Variants in THADA observed in about 807,000 individuals in gnomAD.
THADA encodes the protein THADA armadillo repeat containing, also known as tRNA (32-2'-O)-methyltransferase regulator THADA.
In THADA, 213 loss-of-function variants were observed where a neutral mutation model predicts 219.8. That is an observed-to-expected ratio of 0.97 (90% CI 0.87 to 1.09). The LOEUF (loss-of-function observed/expected upper bound fraction) is 1.09, where lower values mean the gene tolerates loss of function less well. Ranked by LOEUF, THADA falls within the 50% of genes least tolerant of loss-of-function variation. THADA has a pLI of 0.00. For missense variants in THADA, 2,956 were observed against 2,311.3 expected (o/e 1.28, Z -5.72); for synonymous variants, 1,018 against 828.9 (o/e 1.23, Z -3.92).
chr2:43,495,710 T>C (rs959400396), intron 25 of THADA, among the ~76,000 whole-genome samples: 4 of 152,202 alleles, frequency 2.6e-5, no homozygotes, highest in Non-Finnish European at 5.9e-5. Flanking sequence ...CAGAAAGTCC[T>C]TTCACGGAAA....
intron 30 of THADA, among the ~76,000 whole-genome samples, chr2:43,335,458 A>G (rs1295430363): frequency 6.6e-6 from 1 of 152,174 alleles, no homozygotes; most frequent in Non-Finnish European, 1.5e-5. Context: ...CTCTTAATAC[A>G]ATAAACTTCA....
At chr2:43,523,130 C>T (rs779578266) in intron 22 of THADA, among the ~76,000 whole-genome samples, 26 of 152,076 alleles carry the variant, frequency 1.7e-4, no homozygotes, top group Non-Finnish European at 2.9e-4. Flanking sequence ...CTTTGGAAGG[C>T]TGAGGTGGGA....
In THADA at chr2:43,577,293, G is replaced by T. The variant is rs1699961620; in HGVS notation, c.817-51C>A. 2.8e-6 allele frequency: 4 copies of T among 1,416,546 alleles called. No homozygotes were observed. The East Asian group carries it at 1.0e-4, about 36-fold the overall frequency. 87.7% of individuals were successfully genotyped at this position (1,416,546 alleles called of 1,614,324 possible). On this transcript the variant is annotated intron_variant, in intron 9 of 37. Coordinates refer to ENST00000405975, the MANE Select transcript of THADA (RefSeq NM_022065.5). ...CACATAAAGCTTTTAAAACTTTTCAGAGATATTTCAAAATACAAACCCAAA... is the reference window on the plus strand; with the variant it reads ...CACATAAAGCTTTTAAAACTTTTCATAGATATTTCAAAATACAAACCCAAA...
intron 29 of THADA, among the ~76,000 whole-genome samples, chr2:43,348,272 G>C (rs1283153938): frequency 6.6e-6 from 1 of 152,176 alleles, no homozygotes; most frequent in Non-Finnish European, 1.5e-5. Context: ...GCTGGCCCCG[G>C]AGATGAGAAC....
At chr2:43,287,575 AC>A (rs2104347580) in intron 34 of THADA, among the ~76,000 whole-genome samples, 1 of 152,310 alleles carries the variant, frequency 6.6e-6, no homozygotes, top group Admixed American at 6.5e-5. Flanking sequence ...GGCATTACAG[AC>A]ATGAGCCACT....
intron 25 of THADA, among the ~76,000 whole-genome samples, chr2:43,487,238 G>A (rs6544663): frequency 0.026 from 3,905 of 152,108 alleles, 180 homozygotes; most frequent in African/African-American, 0.089. Context: ...AGATGACTTG[G>A]TAAAGATATC....
At chr2:43,542,626 A>C (rs1301273425) in intron 20 of THADA, among the ~76,000 whole-genome samples, 1 of 152,344 alleles carries the variant, frequency 6.6e-6, no homozygotes, top group South Asian at 2.1e-4. Flanking sequence ...CTCCCATTTT[A>C]CTAATAAGGT....
chr2:43,314,778 G>A (rs1462333899), intron 31 of THADA, among the ~76,000 whole-genome samples: 6 of 152,150 alleles, frequency 3.9e-5, no homozygotes, highest in South Asian at 2.1e-4. Flanking sequence ...ATATACTAAC[G>A]ATGACAGCTG....
At chr2:43,541,094 T>C (rs1558937280) in intron 21 of THADA, 65 bp downstream of exon 21, 3 of 1,193,116 alleles carry the variant, frequency 2.5e-6, no homozygotes, top group Admixed American at 6.6e-5. Context: ...AGTTGGGTTA[T>C]AAAAAAAAAA....
chr2:43,318,772 G>T (rs1032271600), intron 31 of THADA, among the ~76,000 whole-genome samples: 1 of 152,176 alleles, frequency 6.6e-6, no homozygotes, highest in Non-Finnish European at 1.5e-5. Flanking sequence ...TTTAATTAGG[G>T]TATAAACTCT....
At chr2:43,337,694 TACACACAC>T (rs139544201) in intron 30 of THADA, among the ~76,000 whole-genome samples, 27 of 146,302 alleles carry the variant, frequency 1.8e-4, no homozygotes, top group Non-Finnish European at 2.4e-4. Flanking sequence ...CACACACTCA[TACACACAC>T]ACACACACAC....
In THADA at chr2:43,566,768, A is replaced by T. The variant is rs763144356; in HGVS notation, c.2241T>A (p.Ser747=). 10 of 1,563,764 alleles carry T rather than the reference A, an allele frequency of 6.4e-6. No individual in the cohort carries two copies. The highest frequency in any genetic ancestry group is 8.6e-6 in the Non-Finnish European group (10 of 1,162,896). The stretch of plus-strand genomic sequence containing the variant: ...AAGCTGAAAATCTAGTCGAGTAGGA[A>T]GATCCAGGAAACAATGCTTCAAAAA... ...NSLFEALFPG[S]SYSTRFSALT... Residue 747 remains serine (S), a synonymous_variant, in exon 15 of 38, where the codon TCT becomes TCA. Coordinates refer to ENST00000405975, the MANE Select transcript of THADA (RefSeq NM_022065.5).
chr2:43,408,195 A>T (rs1257591017), intron 28 of THADA: 6 of 152,266 alleles, frequency 3.9e-5, no homozygotes, highest in Admixed American at 3.3e-4. Context: ...ACCCCACAGC[A>T]GACTGCGACA....
intron 35 of THADA, among the ~76,000 whole-genome samples, chr2:43,281,921 C>T (rs777996032): frequency 2.6e-5 from 4 of 152,112 alleles, no homozygotes; most frequent in Non-Finnish European, 5.9e-5. Context: ...AGGTGTACAC[C>T]ACCACATCTG....
chr2:43,388,991 T>C (rs976669839), intron 29 of THADA, among the ~76,000 whole-genome samples: 3 of 152,220 alleles, frequency 2.0e-5, no homozygotes, highest in East Asian at 3.8e-4. Context: ...GTATTAATAA[T>C]AGCAACTAAC....
rs1669467075 is a variant in THADA at position 43,361,077 on chromosome 2, A to G, written c.4228-16840T>C. 2.0e-5 allele frequency among the ~76,000 whole-genome samples: 3 copies of G among 152,024 alleles called. No homozygotes were observed. The South Asian group carries it at 6.2e-4, about 31-fold the overall frequency. On this transcript the variant is annotated intron_variant, in intron 29 of 37. Coordinates refer to ENST00000405975, the MANE Select transcript of THADA (RefSeq NM_022065.5). ...ACCACAACTGAAAGGGGGTGCTACC[A>G]GTAGACAGAGGCCAGGGACGCTGCT...
chr2:43,408,834 T>C (rs566174648), intron 28 of THADA, among the ~76,000 whole-genome samples: 17 of 152,238 alleles, frequency 1.1e-4, no homozygotes, highest in Non-Finnish European at 2.2e-4. Context: ...AATCTCATAA[T>C]ATTGATGCTA....
intron 20 of THADA, among the ~76,000 whole-genome samples, chr2:43,544,496 C>T (rs907450318): frequency 1.3e-5 from 2 of 152,160 alleles, no homozygotes; most frequent in African/African-American, 4.8e-5. Context: ...ATTGATTCTT[C>T]CTACCCATGA....
At chr2:43,568,769 G>A (rs1698961899) in intron 14 of THADA, among the ~76,000 whole-genome samples, 1 of 152,102 alleles carries the variant, frequency 6.6e-6, no homozygotes, top group Non-Finnish European at 1.5e-5. Flanking sequence ...TTTAGAATAG[G>A]TAGTATGTCA....
Sources: gnomAD v4.1 joint callset for allele counts (sites outside exome capture counted in the v4.1 genomes callset) on GRCh38, gnomAD v4.1.1 for gene constraint, MANE v1.5 for transcripts, NCBI Gene and HGNC (gene_info 2026-07-23, HGNC 2026-07-21) for gene names.